The following OPA1 variants were observed in gnomAD, a reference collection of about 807,000 sequenced individuals.
OPA1 encodes the protein OPA1 mitochondrial dynamin like GTPase, also known as dynamin-like GTPase OPA1, mitochondrial.
A neutral mutation model predicts 152.9 loss-of-function variants in OPA1; 59 were observed. The ratio of observed to expected loss-of-function variants is 0.39; its 90% CI spans 0.31 to 0.48. The LOEUF is 0.48. Ranked by LOEUF, OPA1 falls within the 20% of genes least tolerant of loss-of-function variation. The pLI is 0.96. For synonymous variants in OPA1, 400 were observed against 389.9 expected, an observed-to-expected ratio of 1.03 and a Z score of -0.31; for missense variants, 1,008 against 1,216.8, an observed-to-expected ratio of 0.83 and a Z score of 2.55.
chr3:193,678,893 A>G (rs1355642797), intron 29 of OPA1, among the ~76,000 whole-genome samples: 1 of 151,824 alleles, frequency 6.6e-6, no homozygotes, highest in Non-Finnish European at 1.5e-5. Context: ...GCTACTGTGA[A>G]CTCTAATCTC....
intron 29 of OPA1, among the ~76,000 whole-genome samples, chr3:193,674,783 A>G (rs1187977434): frequency 6.6e-6 from 1 of 152,162 alleles, no homozygotes; most frequent in East Asian, 1.9e-4. Context: ...TACGGATGAG[A>G]ATATCGTCTG....
chr3:193,690,379 A>C (rs1336725356), intron 29 of OPA1, among the ~76,000 whole-genome samples: 1 of 134,998 alleles, frequency 7.4e-6, no homozygotes, highest in African/African-American at 2.8e-5. Context: ...GAAGTGCTTC[A>C]GCCAGGCATA....
At chr3:193,631,528 T>A in intron 7 of OPA1, 84 bp from the exon 8 acceptor site, 1 of 963,138 alleles carries the variant, frequency 1.0e-6, no homozygotes, top group Non-Finnish European at 1.7e-6. Flanking sequence ...TTTTTAACTC[T>A]CAATACTTAT....
chr3:193,639,522 T>C (rs1733436491), intron 11 of OPA1, among the ~76,000 whole-genome samples: 1 of 152,182 alleles, frequency 6.6e-6, no homozygotes, highest in South Asian at 2.1e-4. Context: ...GTGGCTGTCA[T>C]GTTCAAGGAA....
rs768646251 is a variant in OPA1, at chr3:193,615,048, T to C, written c.351+7T>C. On this transcript the variant is annotated splice_region_variant and intron_variant, in intron 2 of 30. Coordinates refer to ENST00000361510, the MANE Select transcript of OPA1 (RefSeq NM_130837.3). ...TGGCTACACAGCCAAAAAGGTGAAC[T>C]TGACATTCCTCCTGGTTTTCCAATT... 4 of 1,602,872 alleles carry C rather than the reference T, an allele frequency of 2.5e-6. No homozygotes were observed. The South Asian group carries it at 3.3e-5, about 13-fold the overall frequency.
At chr3:193,662,426 A>G (rs991122149) in intron 25 of OPA1, among the ~76,000 whole-genome samples, 1 of 152,202 alleles carries the variant, frequency 6.6e-6, no homozygotes, top group Non-Finnish European at 1.5e-5. Flanking sequence ...GATATGAAGC[A>G]TTTTAGAACA....
chr3:193,615,810 T>A, intron 3 of OPA1, 40 bp downstream of exon 3: 1 of 1,131,738 alleles, frequency 8.8e-7, no homozygotes, highest in Non-Finnish European at 1.4e-6. Flanking sequence ...TTTGGTCATC[T>A]CGAGGAAAGA....
rs924784759 is a variant in OPA1, at chr3:193,643,236, G to A, written c.1306-137G>A. On this transcript the variant is annotated intron_variant, in intron 13 of 30. Transcript: ENST00000361510. ...CAGAATAATTACTTTTAGGATCAGAGAAAGAATACCATTTTTGTGAGCGTC... is the reference window on the plus strand; with the variant it reads ...CAGAATAATTACTTTTAGGATCAGAAAAAGAATACCATTTTTGTGAGCGTC... The A allele has an allele frequency of 4.6e-6, 4 of 865,576 alleles. No individual in the cohort carries two copies. In the African/African-American group the frequency reaches 6.8e-5, roughly 15 times the overall value. 53.6% of individuals were successfully genotyped at this position (865,576 alleles called of 1,614,324 possible). A position where few individuals can be genotyped will look rare whatever the true frequency, so the allele number is the denominator to read the frequency against.
chr3:193,659,683 A>G, intron 25 of OPA1, 122 bp downstream of exon 25: 1 of 728,842 alleles, frequency 1.4e-6, no homozygotes. Context: ...GTTTTATATC[A>G]TACTTTCTAA....
intron 4 of OPA1, 47 bp downstream of exon 4, chr3:193,617,332 G>T: frequency 9.1e-7 from 1 of 1,095,086 alleles, no homozygotes; most frequent in East Asian, 2.4e-5. Flanking sequence ...AAGAACCATG[G>T]AGGAAAAATA....
rs776979728 is a variant in OPA1 at position 193,645,754 on chromosome 3, A to G, written c.1708A>G (p.Ile570Val). 1 of 1,613,642 alleles carries G rather than the reference A, an allele frequency of 6.2e-7. No homozygotes were observed. Among genetic ancestry groups the G allele is most frequent in the Non-Finnish European group, 8.5e-7 (1 of 1,179,688 alleles). ...GAACAGCTCTGAAAGCATTGAAGCTATAAGAGAATATGAAGAAGAGTTTTT... is the reference window on the plus strand; with the variant it reads ...GAACAGCTCTGAAAGCATTGAAGCTGTAAGAGAATATGAAGAAGAGTTTTT... ...KGNSSESIEAIREYEEEFFQN... is the reference protein window; with the variant it reads ...KGNSSESIEAVREYEEEFFQN... Residue 570 changes from isoleucine (I) to valine (V), a missense_variant, in exon 18 of 31, where the codon ATA becomes GTA. By Grantham distance (29) the Ile-to-Val change is conservative. Around this residue, in one of 7 missense-constraint regions of OPA1, gnomAD observed 213 missense variants for 291.4 expected, o/e 0.73. Transcript: ENST00000361510.
intron 21 of OPA1, among the ~76,000 whole-genome samples, chr3:193,652,160 C>T (rs1712645208): frequency 6.6e-6 from 1 of 152,088 alleles, no homozygotes; most frequent in Non-Finnish European, 1.5e-5. Context: ...ATGGTCGGAT[C>T]ACTTAAGCTC....
intron 8 of OPA1, 75 bp downstream of exon 8, chr3:193,631,740 T>C: frequency 7.5e-7 from 1 of 1,338,484 alleles, no homozygotes; most frequent in South Asian, 1.2e-5. Flanking sequence ...ATATGGACAT[T>C]TATTTTTTCA....
rs943196329 is a variant in OPA1, at chr3:193,658,929, G to C, written c.2374G>C (p.Asp792His). 4 of 1,613,932 alleles carry C rather than the reference G, an allele frequency of 2.5e-6. No individual in the cohort carries two copies. Among genetic ancestry groups the C allele is most frequent in the Non-Finnish European group, 3.4e-6 (4 of 1,179,874 alleles). The change falls in exon 24 of 31, where the codon GAT becomes CAT. Residue 792 changes from aspartate to histidine, a missense_variant. Asp to His is a moderately conservative substitution (Grantham distance 81). This residue lies in a region of OPA1 where 229 missense variants were observed against 269.0 expected (regional missense o/e 0.85). Transcript: ENST00000361510. Reference sequence around the variant, plus strand: ...TGCTTTGGAAGACCGATCCATATCTGATAAACAGCAATGGGATGCAGCTAT... The same window carrying C: ...TGCTTTGGAAGACCGATCCATATCTCATAAACAGCAATGGGATGCAGCTAT... ...HNALEDRSIS[D>H]KQQWDAAIYF... is the part of the protein sequence containing the mutation.
At chr3:193,633,536 C>T (rs1043420138) in intron 8 of OPA1, among the ~76,000 whole-genome samples, 5 of 152,156 alleles carry the variant, frequency 3.3e-5, no homozygotes, top group Admixed American at 1.3e-4. Flanking sequence ...AGTCACTAGG[C>T]ACTGATAGAC....
rs748933560 is a variant in OPA1, at chr3:193,647,050, A to AT, written c.1755-6dup. On this transcript the variant is annotated splice_polypyrimidine_tract_variant and intron_variant, in intron 18 of 30. Coordinates refer to ENST00000361510, the MANE Select transcript of OPA1 (RefSeq NM_130837.3). ...ATTTTAATATACTTTAGCTCTTGTT[A>AT]TTTTTTTTTAATAGGACAAGCATGC... The AT allele has an allele frequency of 4.4e-4, 661 of 1,512,120 alleles. No homozygotes were observed. The highest frequency in any genetic ancestry group is 5.2e-4 in the Non-Finnish European group (566 of 1,096,584). 93.7% of individuals were successfully genotyped at this position (1,512,120 alleles called of 1,614,324 possible).
intron 1 of OPA1, among the ~76,000 whole-genome samples, chr3:193,598,920 G>C (rs1016027159): frequency 1.3e-5 from 2 of 152,222 alleles, no homozygotes; most frequent in Admixed American, 1.3e-4. Flanking sequence ...GCTAAACGTT[G>C]TGGAACCATG....
intron 1 of OPA1, among the ~76,000 whole-genome samples, chr3:193,610,055 C>T (rs1727956606): frequency 6.6e-6 from 1 of 152,214 alleles, no homozygotes; most frequent in Admixed American, 6.5e-5. Context: ...CATTCTCTGT[C>T]CAGCTTTGTT....
chr3:193,659,211 T>C (rs1017066645), intron 24 of OPA1, among the ~76,000 whole-genome samples: 3 of 152,248 alleles, frequency 2.0e-5, no homozygotes, highest in Non-Finnish European at 2.9e-5. Context: ...GCATTTATAT[T>C]CTATAAAGCT....
Sources: allele counts gnomAD v4.1 joint callset (sites outside exome capture counted in the v4.1 genomes callset), GRCh38; gene constraint gnomAD v4.1.1; regional missense constraint gnomAD v4.1.1; transcripts MANE v1.5; gene names NCBI Gene and HGNC (gene_info 2026-07-23, HGNC 2026-07-21).